PADI2: variants seen among roughly 807,000 people sequenced by gnomAD.
PADI2 encodes the protein peptidyl arginine deiminase 2.
PADI2 carries 70 observed loss-of-function variants against 81.1 expected under a neutral mutation model. The observed-to-expected ratio is 0.86, with a 90% CI of 0.71 to 1.05. PADI2 has a LOEUF of 1.05. Ranked by LOEUF, PADI2 falls within the 50% of genes least tolerant of loss-of-function variation. The pLI is 0.00. For missense variants in PADI2, 853 were observed against 889.9 expected (o/e 0.96, Z 0.53); for synonymous variants, 338 against 358.0 (o/e 0.94, Z 0.63).
intron 13 of PADI2, among the ~76,000 whole-genome samples, chr1:17,073,652 T>G (rs1193076947): frequency 1.3e-5 from 2 of 151,930 alleles, no homozygotes; most frequent in African/African-American, 2.4e-5. Flanking sequence ...AATGACTAAC[T>G]GTTGTCTACT....
At chr1:17,076,156 G>A (rs947828814) in intron 11 of PADI2, among the ~76,000 whole-genome samples, 1 of 152,260 alleles carries the variant, frequency 6.6e-6, no homozygotes, top group East Asian at 1.9e-4. Flanking sequence ...GCACAGGAGG[G>A]CTCCAAAATC....
chr1:17,113,032 C>T (rs61769267), intron 1 of PADI2, among the ~76,000 whole-genome samples: 25,017 of 152,044 alleles, frequency 0.16, 2,337 homozygotes, highest in African/African-American at 0.24. Flanking sequence ...CAAGACCCAG[C>T]TCAGTTGCCA....
At chr1:17,094,008 T>TG (rs1930809402) in intron 4 of PADI2, among the ~76,000 whole-genome samples, 1 of 152,110 alleles carries the variant, frequency 6.6e-6, no homozygotes. Flanking sequence ...CATTCTACCA[T>TG]GGGTCCCTAG....
chr1:17,091,795 G>A (rs1359237465), intron 6 of PADI2, among the ~76,000 whole-genome samples: 1 of 152,052 alleles, frequency 6.6e-6, no homozygotes, highest in Admixed American at 6.5e-5. Context: ...TCTCTTGCTA[G>A]ACTGGCGGCT....
rs760035431 is a variant in PADI2 at position 17,075,739 on chromosome 1, G to A, written c.1395C>T (p.Asp465=). ...CATCCACGTGGCCCACAGTCAGCCA[G>A]TCTGAGTAGAGCTCCACGGGCGCCT... ...QVQAPVELYS[D]WLTVGHVDEF... is the part of the protein sequence containing the mutation. The change falls in exon 12 of 16, where the codon GAC becomes GAT. Residue 465 remains aspartate, a synonymous_variant. Coordinates refer to ENST00000375486, the MANE Select transcript of PADI2 (RefSeq NM_007365.3). 6.2e-7 allele frequency: 1 copy of A among 1,614,118 alleles called. No individual in the cohort carries two copies. Among genetic ancestry groups the A allele is most frequent in the Non-Finnish European group, 8.5e-7 (1 of 1,179,982 alleles).
At chr1:17,075,165 G>C in intron 12 of PADI2, 1 of 480,700 alleles carries the variant, frequency 2.1e-6, no homozygotes. Flanking sequence ...AAGGCTCAGA[G>C]TCAAAGGTGG....
chr1:17,095,419 G>A (rs1930879140), intron 4 of PADI2, among the ~76,000 whole-genome samples: 1 of 152,076 alleles, frequency 6.6e-6, no homozygotes, highest in South Asian at 2.1e-4. Flanking sequence ...AAGAAAATAA[G>A]TAAATGAACG....
In PADI2 at chr1:17,079,224, C is replaced by T. The variant is rs113065882; in HGVS notation, c.1310+40G>A. ...CCCCAAAAGAGAAACAGTGACTTCC[C>T]CACTCCCACAGCCCCTAGCCCCAGC... On this transcript the variant is annotated intron_variant, in intron 11 of 15. Coordinates refer to ENST00000375486, the MANE Select transcript of PADI2 (RefSeq NM_007365.3). The T allele has an allele frequency of 1.0e-5, 16 of 1,582,012 alleles. 1 individual carries two copies. The African/African-American group carries it at 1.3e-4, about 13-fold the overall frequency.
chr1:17,080,483 C>T (rs1335917141), intron 10 of PADI2, among the ~76,000 whole-genome samples: 1 of 152,170 alleles, frequency 6.6e-6, no homozygotes, highest in Non-Finnish European at 1.5e-5. Context: ...GGCAGACCAC[C>T]AGCAGCAATC....
At chr1:17,095,888 C>A in intron 4 of PADI2, 21 bp downstream of exon 4, 1 of 1,597,158 alleles carries the variant, frequency 6.3e-7, no homozygotes, top group Non-Finnish European at 8.6e-7. Context: ...CAGGGTGGTG[C>A]CTGCCCTGAA....
intron 13 of PADI2, 129 bp from the exon 14 acceptor site, chr1:17,071,620 G>A: frequency 2.8e-6 from 2 of 723,512 alleles, no homozygotes; most frequent in South Asian, 3.3e-5. Flanking sequence ...CTGGGGAGAG[G>A]CTGGATCACA....
In PADI2 at chr1:17,069,263, C is replaced by A. The variant is rs1353887755; in HGVS notation, c.1779G>T (p.Val593=). The A allele has an allele frequency of 1.2e-6, 2 of 1,614,066 alleles. No individual in the cohort carries two copies. Among genetic ancestry groups the A allele is most frequent in the Non-Finnish European group, 1.7e-6 (2 of 1,179,880 alleles). The stretch of plus-strand genomic sequence containing the variant: ...TGGGGATGCCCAGGTCCTTGTCCAG[C>A]ACGATCATGTTCACCTGTGACGGGG... ...AFFPNMVNMI[V]LDKDLGIPKP... Residue 593 remains valine (V), a synonymous_variant, in exon 16 of 16, where the codon GTG becomes GTT. Transcript: ENST00000375486.
chr1:17,097,352 T>C (rs552531202), intron 3 of PADI2, among the ~76,000 whole-genome samples: 1 of 152,320 alleles, frequency 6.6e-6, no homozygotes, highest in African/African-American at 2.4e-5. Context: ...CCTTTGCCTA[T>C]AGCCTGCATA....
At chr1:17,117,269 A>G (rs1248815555) in intron 1 of PADI2, among the ~76,000 whole-genome samples, 1 of 152,234 alleles carries the variant, frequency 6.6e-6, no homozygotes, top group Non-Finnish European at 1.5e-5. Context: ...TGAAAAAAGG[A>G]AGGTAAACCA....
intron 6 of PADI2, among the ~76,000 whole-genome samples, chr1:17,088,906 C>CAAAAAAA (rs753463253): frequency 3.6e-4 from 14 of 38,810 alleles, no homozygotes; most frequent in Admixed American, 5.6e-4. Flanking sequence ...GACTCCATCT[C>CAAAAAAA]AAAAAAAAAA....
In PADI2 at chr1:17,093,142, C is replaced by A. The variant is rs1380482523; in HGVS notation, c.529+425G>T. ...ACAGAGTCTTGCTCTGTTGCCCAGG[C>A]TGGAGTGCAGTGGCATGATCTTGGC... is the stretch of plus-strand genomic sequence containing the variant. On this transcript the variant is annotated intron_variant, in intron 5 of 15. Transcript: ENST00000375486. 2.6e-5 allele frequency among the ~76,000 whole-genome samples: 4 copies of A among 151,214 alleles called. No individual in the cohort carries two copies. In the East Asian group the frequency reaches 6.0e-4, roughly 23 times the overall value.
At position 17,071,478 on chromosome 1, in the gene PADI2, C is replaced by T; in HGVS notation, c.1563G>A (p.Met521Ile). The change falls in exon 14 of 16, where the codon ATG becomes ATA. Residue 521 changes from methionine to isoleucine, a missense_variant. Coordinates refer to ENST00000375486, the MANE Select transcript of PADI2 (RefSeq NM_007365.3). Reference protein sequence around the residue: ...EAIMFKGLGGMSSKRITINKI... With the variant: ...EAIMFKGLGGISSKRITINKI... ...TGTTGATGGTGATTCGCTTGCTGCT[C>T]ATCCCACCCAAGCCTGTGGGGTTCA... 5 of 1,613,948 alleles carry T rather than the reference C, an allele frequency of 3.1e-6. No homozygotes were observed. Among genetic ancestry groups the T allele is most frequent in the South Asian group, 1.1e-5 (1 of 91,056 alleles).
chr1:17,085,831 C>A (rs947141576), intron 7 of PADI2, among the ~76,000 whole-genome samples: 1 of 152,146 alleles, frequency 6.6e-6, no homozygotes, highest in East Asian at 1.9e-4. Context: ...CTTGTGTTTG[C>A]GAGAGCAGCC....
chr1:17,074,868 TG>T lies in PADI2; in HGVS notation c.1536del (p.Ile513SerfsTer9). 6.2e-7 allele frequency: 1 copy of T among 1,610,264 alleles called. No individual in the cohort carries two copies. The highest frequency in any genetic ancestry group is 8.5e-7 in the Non-Finnish European group (1 of 1,177,346). Reference sequence around the variant, plus strand: ...TGTGGCCACTCACCTTTGAACATGATGGCCTCTCCATGGCCGTCCTTCTGCT... The same window carrying T: ...TGTGGCCACTCACCTTTGAACATGATGCCTCTCCATGGCCGTCCTTCTGCT... ...REKQKDGHGE[A>X]IMFKGLGGMS... On this transcript the variant is annotated frameshift_variant, in exon 13 of 16. Coordinates refer to ENST00000375486, the MANE Select transcript of PADI2 (RefSeq NM_007365.3). LOFTEE classifies it high-confidence loss of function.
Sources: gnomAD v4.1 joint callset for allele counts (sites outside exome capture counted in the v4.1 genomes callset) on GRCh38, gnomAD v4.1.1 for gene constraint, MANE v1.5 for transcripts, NCBI Gene and HGNC (gene_info 2026-07-23, HGNC 2026-07-21) for gene names.